WNK3: variants seen among roughly 807,000 people sequenced by gnomAD.
WNK3 encodes the protein serine/threonine-protein kinase WNK3.
WNK3 carries 18 observed loss-of-function variants against 116.7 expected under a neutral mutation model. That is an observed-to-expected ratio of 0.15 (90% CI 0.11 to 0.23). The LOEUF (loss-of-function observed/expected upper bound fraction) is 0.23, where lower values mean the gene tolerates loss of function less well. Ranked by LOEUF, WNK3 falls within the 10% of genes least tolerant of loss-of-function variation. WNK3 has a pLI of 1.00. For missense variants in WNK3, 993 were observed against 1,323.8 expected (o/e 0.75, Z 3.88); for synonymous variants, 404 against 469.4 (o/e 0.86, Z 1.80).
At chrX:54,236,372 C>T (rs1450990205) in intron 20 of WNK3, among the ~76,000 whole-genome samples, 1 of 110,419 alleles carries the variant, frequency 9.1e-6, no homozygotes, top group Non-Finnish European at 1.9e-5. Flanking sequence ...ATACACCTGC[C>T]TCTGCCTCCC....
chrX:54,283,838 G>A (rs1603389903), intron 10 of WNK3, among the ~76,000 whole-genome samples: 1 of 93,059 alleles, frequency 1.1e-5, no homozygotes, highest in African/African-American at 4.0e-5. Context: ...CTTTTCAACA[G>A]ATGAAGCTGT....
chrX:54,203,601 C>G (rs2067522102), intron 22 of WNK3, among the ~76,000 whole-genome samples: 1 of 111,237 alleles, frequency 9.0e-6, no homozygotes, highest in South Asian at 3.8e-4. Flanking sequence ...GACAGTAAAA[C>G]TGGGACCCAG....
chrX:54,243,035 A>C (rs1249233519), intron 17 of WNK3, among the ~76,000 whole-genome samples: 1 of 109,538 alleles, frequency 9.1e-6, no homozygotes, highest in Non-Finnish European at 1.9e-5. Flanking sequence ...CTGGTCTTGA[A>C]CTCCTGGCCT....
intron 22 of WNK3, among the ~76,000 whole-genome samples, chrX:54,204,731 T>C (rs781986291): frequency 1.4e-4 from 16 of 112,202 alleles, no homozygotes; most frequent in Non-Finnish European, 2.6e-4. Flanking sequence ...CCTAAGCTTT[T>C]ATAGACTGTG....
intron 10 of WNK3, among the ~76,000 whole-genome samples, chrX:54,286,453 AT>A (rs2068581330): frequency 9.0e-6 from 1 of 111,494 alleles, no homozygotes; most frequent in Admixed American, 9.7e-5. Flanking sequence ...TGGTAGAGTA[AT>A]ATATTATCAC....
rs781927704 is a variant in WNK3 at position 54,292,418 on chromosome X, T to C, written c.2037+470A>G. On this transcript the variant is annotated intron_variant, in intron 10 of 23. Coordinates refer to ENST00000354646, the Ensembl canonical transcript of WNK3. ...AATATTAGACACATTAAGAGGAACA[T>C]CTTGGGCCGGGTACTGTGGCTCATG... Among the ~76,000 whole-genome samples, 160 of 111,243 alleles carry C rather than the reference T, an allele frequency of 1.4e-3. 2 individuals carry two copies. Among genetic ancestry groups the C allele is most frequent in the African/African-American group, 5.0e-3 (153 of 30,693 alleles).
intron 2 of WNK3, among the ~76,000 whole-genome samples, chrX:54,320,700 T>G (rs1557172046): frequency 1.8e-5 from 2 of 108,869 alleles, no homozygotes; most frequent in African/African-American, 6.7e-5. Context: ...TCAGCTTTTT[T>G]TTTTTTTCTT....
intron 10 of WNK3, among the ~76,000 whole-genome samples, chrX:54,272,099 T>C (rs782406168): frequency 1.8e-5 from 2 of 112,441 alleles, no homozygotes; most frequent in Admixed American, 9.5e-5. Flanking sequence ...CTGTGCTAAA[T>C]AGCATTTTTA....
chrX:54,203,440 G>A (rs1557142090), intron 22 of WNK3, among the ~76,000 whole-genome samples: 1 of 111,784 alleles, frequency 8.9e-6, no homozygotes, highest in African/African-American at 3.2e-5. Context: ...ACAAGCATGT[G>A]AAGATGCCTT....
At chrX:54,210,782 C>T (rs1248928046) in intron 22 of WNK3, among the ~76,000 whole-genome samples, 11 of 111,879 alleles carry the variant, frequency 9.8e-5, no homozygotes, top group East Asian at 2.8e-4. Flanking sequence ...AGAGTGAGGA[C>T]GTTAAGAAAC....
intron 22 of WNK3, among the ~76,000 whole-genome samples, chrX:54,220,451 T>G (rs2067749575): frequency 9.1e-6 from 1 of 109,928 alleles, no homozygotes; most frequent in Non-Finnish European, 1.9e-5. Flanking sequence ...CTTGGGAGGC[T>G]GAGGTGGGAG....
At chrX:54,354,420 T>G (rs1164050491) in intron 1 of WNK3, among the ~76,000 whole-genome samples, 1 of 111,663 alleles carries the variant, frequency 9.0e-6, no homozygotes, top group Non-Finnish European at 1.9e-5. Context: ...CTACTTATAT[T>G]GAGAGACTGA....
Position 54,285,528 on chromosome X carries a change from C to A in WNK3, c.2037+7360G>T, listed in dbSNP as rs188027890. Among the ~76,000 whole-genome samples, 668 of 112,735 alleles carry A rather than the reference C, an allele frequency of 5.9e-3. 7 individuals are homozygous for A. The highest frequency in any genetic ancestry group is 0.034 in the South Asian group (94 of 2,747). On this transcript the variant is annotated intron_variant, in intron 10 of 23. Coordinates refer to ENST00000354646, the Ensembl canonical transcript of WNK3. ...AATATTCTCTATCAGGTGGGCAAGC[C>A]ACAGCCTTCAGGCCAAATCTGGCAC...
At position 54,216,292 on chromosome X, in the gene WNK3, AATAT is replaced by A. The variant is rs782332737; in HGVS notation, c.4870+12418_4870+12421del. Among the ~76,000 whole-genome samples, 475 of 99,067 alleles carry A rather than the reference AATAT, an allele frequency of 4.8e-3. 2 individuals are homozygous for A. The highest frequency in any genetic ancestry group is 0.03 in the Middle Eastern group (6 of 200). 86.0% of individuals were successfully genotyped at this position (99,067 alleles called of 115,157 possible). On this transcript the variant is annotated intron_variant, in intron 22 of 23. Transcript: ENST00000354646. ...CCCAAGAATGATCAATAAATACTAA[AATAT>A]ATATATATATATATATATTTTGCAG...
intron 22 of WNK3, among the ~76,000 whole-genome samples, chrX:54,226,961 G>A (rs781847373): frequency 2.1e-4 from 23 of 111,329 alleles, no homozygotes; most frequent in African/African-American, 7.2e-4. Context: ...TAGAGTCAAT[G>A]GTGAGCCAAC....
chrX:54,207,263 T>C (rs782420919), intron 22 of WNK3, among the ~76,000 whole-genome samples: 1 of 111,295 alleles, frequency 9.0e-6, no homozygotes, highest in South Asian at 3.8e-4. Flanking sequence ...TATATAATTG[T>C]TTTAGATCAG....
intron 1 of WNK3, among the ~76,000 whole-genome samples, chrX:54,347,816 T>C (rs1297493363): frequency 2.8e-5 from 3 of 106,900 alleles, no homozygotes; most frequent in Non-Finnish European, 5.8e-5. Flanking sequence ...AGTAAAGAGG[T>C]TTATAAAGGG....
chrX:54,243,400 G>T, intron 17 of WNK3, among the ~76,000 whole-genome samples: 1 of 76,769 alleles, frequency 1.3e-5, no homozygotes, highest in Non-Finnish European at 2.3e-5. Flanking sequence ...CGGCCTGGGC[G>T]AAAGTGCGAG....
chrX:54,326,251 C>T (rs920533061), intron 2 of WNK3, among the ~76,000 whole-genome samples: 54 of 110,131 alleles, frequency 4.9e-4, no homozygotes, highest in Middle Eastern at 4.7e-3. Flanking sequence ...CCACTACACC[C>T]GGCTAATTTT....
Sources: gnomAD v4.1 joint callset for allele counts (sites outside exome capture counted in the v4.1 genomes callset) on GRCh38, gnomAD v4.1.1 for gene constraint, MANE v1.5 for transcripts, NCBI Gene and HGNC (gene_info 2026-07-23, HGNC 2026-07-21) for gene names.